The following WDFY4 variants were observed in gnomAD, a reference collection of about 807,000 sequenced individuals.
WDFY4 encodes the protein WDFY family member 4.
Under a neutral mutation model 351.9 loss-of-function variants are expected in WDFY4, and 169 were observed. The observed-to-expected ratio is 0.48, with a 90% CI of 0.42 to 0.55. The LOEUF (loss-of-function observed/expected upper bound fraction) is 0.55, where lower values mean the gene tolerates loss of function less well. Among genes scored for constraint, WDFY4 ranks in the 20% least tolerant of loss-of-function variants. The probability of loss-of-function intolerance (pLI) is 0.00; values close to 1 mark genes in which losing one functional copy is unlikely to be tolerated. For missense variants in WDFY4, 3,803 were observed against 3,935.6 expected (o/e 0.97, Z 0.90); for synonymous variants, 1,622 against 1,574.6 (o/e 1.03, Z -0.71).
chr10:48,904,890 G>T (rs1451694069), intron 47 of WDFY4, among the ~76,000 whole-genome samples: 1 of 152,146 alleles, frequency 6.6e-6, no homozygotes, highest in Non-Finnish European at 1.5e-5. Flanking sequence ...GAAAATCAAG[G>T]TTCTGTTATC....
chr10:48,833,946 C>G (rs1262514584), intron 39 of WDFY4, among the ~76,000 whole-genome samples: 1 of 152,200 alleles, frequency 6.6e-6, no homozygotes, highest in Admixed American at 6.5e-5. Context: ...TGTAAGTGCC[C>G]AGGCAGCCGA....
At chr10:48,950,777 G>A (rs913637251) in intron 51 of WDFY4, among the ~76,000 whole-genome samples, 2 of 152,248 alleles carry the variant, frequency 1.3e-5, no homozygotes, top group Admixed American at 1.3e-4. Flanking sequence ...ACACACAGGT[G>A]CACAGGCATG....
chr10:48,865,038 G>C (rs78543867), intron 39 of WDFY4, among the ~76,000 whole-genome samples: 1,548 of 152,134 alleles, frequency 0.01, 11 homozygotes, highest in East Asian at 0.032. Flanking sequence ...CTTTCAATTT[G>C]GATGCCTTTT....
At chr10:48,712,381 G>A (rs754016487) in intron 2 of WDFY4, among the ~76,000 whole-genome samples, 3 of 152,224 alleles carry the variant, frequency 2.0e-5, no homozygotes, top group Non-Finnish European at 4.4e-5. Flanking sequence ...AAGCCTTTGA[G>A]ATTCCTGTCG....
In WDFY4 at chr10:48,867,338, T is replaced by A. The variant is rs1161486539; in HGVS notation, c.6737T>A (p.Val2246Glu). ...ELYASLYKDH[V>E]QRRKCGNIKA... ...TATGCATCTTTATACAAAGACCATGTGCAAGTAAGAAACAAAACATAGGCT... is the reference window on the plus strand; with the variant it reads ...TATGCATCTTTATACAAAGACCATGAGCAAGTAAGAAACAAAACATAGGCT... Residue 2246 changes from valine (V) to glutamate (E), a missense_variant, in exon 40 of 62, where the codon GTG becomes GAG. Val to Glu is a moderately radical substitution (Grantham distance 121, BLOSUM62 -2). Transcript: ENST00000325239. 1.6e-5 allele frequency: 24 copies of A among 1,496,270 alleles called. No homozygotes were observed. The highest frequency in any genetic ancestry group is 2.0e-5 in the Non-Finnish European group (22 of 1,117,414). 92.7% of individuals were successfully genotyped at this position (1,496,270 alleles called of 1,614,324 possible).
chr10:48,710,640 G>A (rs765268360), intron 2 of WDFY4, among the ~76,000 whole-genome samples: 6 of 152,224 alleles, frequency 3.9e-5, no homozygotes, highest in Non-Finnish European at 7.3e-5. Context: ...GAGTCACACA[G>A]GTGGCTGGCA....
intron 39 of WDFY4, among the ~76,000 whole-genome samples, chr10:48,853,239 C>T (rs1589753073): frequency 1.3e-5 from 2 of 152,268 alleles, no homozygotes; most frequent in South Asian, 4.1e-4. Context: ...TTGCTAATGA[C>T]TCACAAGTCC....
intron 32 of WDFY4, 82 bp from the exon 33 acceptor site, chr10:48,820,152 C>T (rs112318160): frequency 5.8e-5 from 83 of 1,425,984 alleles, no homozygotes; most frequent in Middle Eastern, 4.1e-4. Context: ...GACAATAATC[C>T]GCCCATGTAC....
Position 48,749,477 on chromosome 10 carries a change from C to G in WDFY4, c.2459+5929C>G, listed in dbSNP as rs1029840749. Among the ~76,000 whole-genome samples the G allele has an allele frequency of 2.0e-5, 3 of 152,040 alleles. No individual in the cohort carries two copies. The East Asian group carries it at 5.8e-4, about 29-fold the overall frequency. On this transcript the variant is annotated intron_variant, in intron 12 of 61. Coordinates refer to ENST00000325239, the MANE Select transcript of WDFY4 (RefSeq NM_001394531.1). ...ACATGAATACACACCACACATACCA[C>G]CTACATATGCTACATACAGACACCA...
At position 48,817,221 on chromosome 10, in the gene WDFY4, TACCTCTC is replaced by T. The variant is rs1029028556; in HGVS notation, c.5341-20_5341-14del. 1.3e-6 allele frequency: 2 copies of T among 1,550,708 alleles called. No homozygotes were observed. The highest frequency in any genetic ancestry group is 8.7e-7 in the Non-Finnish European group (1 of 1,146,534). ...CAGCGCCCATCATGCTGCCCTGCAC[TACCTCTC>T]ACCAAGTGTGCCTCAGCCCCTGGCA... is the stretch of plus-strand genomic sequence containing the variant. On this transcript the variant is annotated splice_polypyrimidine_tract_variant and intron_variant, in intron 31 of 61. Coordinates refer to ENST00000325239, the MANE Select transcript of WDFY4 (RefSeq NM_001394531.1).
At position 48,873,554 on chromosome 10, in the gene WDFY4, G is replaced by C; in HGVS notation, c.6805G>C (p.Gly2269Arg). Residue 2269 changes from glycine (G) to arginine (R), a missense_variant, in exon 41 of 62, where the codon GGG becomes CGG. Physicochemically the swap from Gly to Arg is moderately radical, Grantham distance 125. Coordinates refer to ENST00000325239, the MANE Select transcript of WDFY4 (RefSeq NM_001394531.1). The stretch of plus-strand genomic sequence containing the variant: ...GGCCAGGATCCAGGAGCAGCTTTTT[G>C]GGGAGCTGGGCTTGTGGAGCCAGGG... The part of the protein sequence containing the change: ...AWARIQEQLF[G>R]ELGLWSQGEE... 2 of 1,551,682 alleles carry C rather than the reference G, an allele frequency of 1.3e-6. No homozygotes were observed.
In WDFY4 at chr10:48,965,824, C is replaced by CTG. The variant is rs1175915284; in HGVS notation, c.8437-701_8437-700insGT. On this transcript the variant is annotated intron_variant, in intron 54 of 61. Transcript: ENST00000325239. ...TGTATCAGTTAGATATAGATTATAT[C>CTG]TATACCAGTTAGATATAGATTATAT... is the stretch of plus-strand genomic sequence containing the variant. Among the ~76,000 whole-genome samples the CTG allele has an allele frequency of 1.5e-3, 232 of 152,294 alleles. 1 individual carries two copies. Among genetic ancestry groups the CTG allele is most frequent in the African/African-American group, 4.7e-3 (194 of 41,552 alleles).
intron 43 of WDFY4, among the ~76,000 whole-genome samples, chr10:48,884,714 G>C (rs901616283): frequency 1.3e-5 from 2 of 151,476 alleles, no homozygotes; most frequent in Non-Finnish European, 2.9e-5. Flanking sequence ...GCCTTGGAAT[G>C]CTCCTCCCCT....
rs796166984 is a variant in WDFY4, at chr10:48,787,807, C to CTCCTCCTCTTCT, written c.3809-721_3809-720insCTCCTCTTCTTC. 3.6e-3 allele frequency among the ~76,000 whole-genome samples: 273 copies of CTCCTCCTCTTCT among 76,746 alleles called. 16 individuals are homozygous for CTCCTCCTCTTCT. Among genetic ancestry groups the CTCCTCCTCTTCT allele is most frequent in the African/African-American group, 3.6e-3 (57 of 15,854 alleles). 50.3% of individuals were successfully genotyped at this position (76,746 alleles called of 152,430 possible). A position where few individuals can be genotyped will look rare whatever the true frequency, so the allele number is the denominator to read the frequency against. On this transcript the variant is annotated intron_variant, in intron 20 of 61. Coordinates refer to ENST00000325239, the MANE Select transcript of WDFY4 (RefSeq NM_001394531.1). ...CCTCTTCCTCCTCCTCCTCCTCCTC[C>CTCCTCCTCTTCT]TCTTCTTCTTCTTCTTCTTCTTCTT...
At chr10:48,913,515 C>T (rs1056940356) in intron 47 of WDFY4, 34 of 1,613,958 alleles carry the variant, frequency 2.1e-5, no homozygotes, top group Non-Finnish European at 2.8e-5. Context: ...GGCGTTTTGG[C>T]ATTTTCTCAG....
intron 27 of WDFY4, 155 bp from the exon 28 acceptor site, chr10:48,807,704 T>C: frequency 3.0e-6 from 2 of 668,496 alleles, no homozygotes; most frequent in Non-Finnish European, 2.5e-6. Context: ...TTTTAAGCAT[T>C]GTGTGGAGGC....
intron 47 of WDFY4, chr10:48,913,430 T>C: frequency 6.2e-7 from 1 of 1,613,026 alleles, no homozygotes; most frequent in Non-Finnish European, 8.5e-7. Flanking sequence ...TGGAATTGGG[T>C]GAGATCAGAT....
intron 1 of WDFY4, among the ~76,000 whole-genome samples, chr10:48,692,870 G>C (rs956806614): frequency 9.2e-5 from 14 of 152,214 alleles, no homozygotes; most frequent in African/African-American, 3.4e-4. Context: ...GGAAGGGGCT[G>C]TCGCCTGCTG....
At chr10:48,741,481 T>A (rs4012682) in intron 11 of WDFY4, among the ~76,000 whole-genome samples, 7,878 of 98,606 alleles carry the variant, frequency 0.08, 503 homozygotes, top group East Asian at 0.27. Context: ...AAAAAAAAAA[T>A]GGAGCTCCCA....
Sources: allele counts gnomAD v4.1 joint callset (sites outside exome capture counted in the v4.1 genomes callset), GRCh38; gene constraint gnomAD v4.1.1; transcripts MANE v1.5; gene names NCBI Gene and HGNC (gene_info 2026-07-23, HGNC 2026-07-21).